FAM135B: variants seen among roughly 807,000 people sequenced by gnomAD.
FAM135B encodes protein FAM135B.
Under a neutral mutation model 127.7 loss-of-function variants are expected in FAM135B, and 43 were observed. That is an observed-to-expected ratio of 0.34 (90% CI 0.26 to 0.43). FAM135B has a LOEUF of 0.43. Ranked by LOEUF, FAM135B falls within the 20% of genes least tolerant of loss-of-function variation. The probability of loss-of-function intolerance (pLI) is 1.00; values close to 1 mark genes in which losing one functional copy is unlikely to be tolerated. For missense variants in FAM135B, 1,558 were observed against 1,725.6 expected (o/e 0.90, Z 1.72); for synonymous variants, 670 against 665.1 (o/e 1.01, Z -0.11).
chr8:138,294,994 C>G (rs1825372369), intron 3 of FAM135B, among the ~76,000 whole-genome samples: 1 of 151,868 alleles, frequency 6.6e-6, no homozygotes, highest in African/African-American at 2.4e-5. Flanking sequence ...CAATAATCTT[C>G]AGAGTCTGTT....
intron 2 of FAM135B, among the ~76,000 whole-genome samples, chr8:138,347,646 A>G (rs1246531077): frequency 6.6e-6 from 1 of 152,160 alleles, no homozygotes; most frequent in Non-Finnish European, 1.5e-5. Context: ...TACAAGTTGC[A>G]GTCGTCAGTC....
Position 138,250,995 on chromosome 8 carries a change from C to T in FAM135B, c.388G>A (p.Ala130Thr), listed in dbSNP as rs2130489362. The T allele has an allele frequency of 3.7e-6, 6 of 1,613,910 alleles. No individual in the cohort carries two copies. The highest frequency in any genetic ancestry group is 5.1e-6 in the Non-Finnish European group (6 of 1,179,984). The change falls in exon 6 of 20, where the codon GCA (alanine) becomes ACA (threonine). Residue 130 changes from alanine (A) to threonine (T), a missense_variant. By Grantham distance (58) the Ala-to-Thr change is moderately conservative (BLOSUM62 0). Around this residue, in one of 5 missense-constraint regions of FAM135B, gnomAD observed 199 missense variants for 245.7 expected, o/e 0.81. Transcript: ENST00000395297. The stretch of plus-strand genomic sequence containing the variant: ...AGCGTTCGGCTGCTGACCATCGGTG[C>T]CCCAGCCACATCCCTCAACCTAGAA... ...SEQQLRDVAG[A>T]PMVSSRTLGL...
chr8:138,496,745 C>G lies in FAM135B; in HGVS notation c.-94G>C, dbSNP rs1324757224. On this transcript the variant is annotated 5_prime_UTR_variant, in exon 1 of 20. Coordinates refer to ENST00000395297, the MANE Select transcript of FAM135B (RefSeq NM_015912.4). ...TGGGTCCCTCTCTCTCCTCTTTCGC[C>G]GTCTCTGGCCGCCAACAGTTGCGGC... The G allele has an allele frequency of 6.5e-6, 1 of 154,090 alleles. No homozygotes were observed. Among genetic ancestry groups the G allele is most frequent in the Non-Finnish European group, 1.4e-5 (1 of 69,484 alleles). The allele number at this position is 154,090 out of a possible 1,614,324, so 9.5% of individuals were successfully genotyped here.
rs367947385 is a variant in FAM135B, at chr8:138,397,526, T to C, written c.-19-29524A>G. ...AATTTCTTCTCAGTTAAATTTCATCTCTAATAGCATACGTACTTGTAGTAT... is the reference window on the plus strand; with the variant it reads ...AATTTCTTCTCAGTTAAATTTCATCCCTAATAGCATACGTACTTGTAGTAT... On this transcript the variant is annotated intron_variant, in intron 1 of 19. Transcript: ENST00000395297. 4.6e-5 allele frequency among the ~76,000 whole-genome samples: 7 copies of C among 152,360 alleles called. No individual in the cohort carries two copies. In the East Asian group the frequency reaches 7.7e-4, roughly 17 times the overall value.
chr8:138,211,369 G>A (rs1405228647), intron 7 of FAM135B, among the ~76,000 whole-genome samples: 1 of 152,182 alleles, frequency 6.6e-6, no homozygotes, highest in Non-Finnish European at 1.5e-5. Context: ...CGACAGAGGG[G>A]TGGATCTCTC....
chr8:138,405,625 T>G lies in FAM135B; in HGVS notation c.-19-37623A>C, dbSNP rs185873253. ...ATGCAGTCTATCATTGTTAGACATT[T>G]GGGTTGGTTCCAAATCTTTGCTATT... On this transcript the variant is annotated intron_variant, in intron 1 of 19. Coordinates refer to ENST00000395297, the MANE Select transcript of FAM135B (RefSeq NM_015912.4). Among the ~76,000 whole-genome samples the G allele has an allele frequency of 2.4e-3, 360 of 152,250 alleles. 1 individual carries two copies. The highest frequency in any genetic ancestry group is 7.8e-3 in the African/African-American group (322 of 41,544).
intron 1 of FAM135B, among the ~76,000 whole-genome samples, chr8:138,463,462 T>C (rs1837235278): frequency 1.3e-5 from 2 of 152,090 alleles, no homozygotes; most frequent in African/African-American, 4.8e-5. Flanking sequence ...GTAAGAAGTT[T>C]CATAGCCATG....
At chr8:138,370,228 T>C (rs561583579) in intron 1 of FAM135B, among the ~76,000 whole-genome samples, 184 of 152,266 alleles carry the variant, frequency 1.2e-3, no homozygotes, top group Non-Finnish European at 1.9e-3. Context: ...ATTTAACGCA[T>C]GGAGAATACC....
At chr8:138,142,890 AG>A (rs1446239146) in intron 16 of FAM135B, 121 bp downstream of exon 16, 7 of 606,508 alleles carry the variant, frequency 1.2e-5, no homozygotes, top group Non-Finnish European at 1.8e-5. Flanking sequence ...ATTTATTAAA[AG>A]TCACAAGTTA....
Position 138,256,779 on chromosome 8 carries a change from C to CA in FAM135B, c.298-21dup. 1 of 1,604,650 alleles carries CA rather than the reference C, an allele frequency of 6.2e-7. No homozygotes were observed. The highest frequency in any genetic ancestry group is 8.5e-7 in the Non-Finnish European group (1 of 1,172,222). On this transcript the variant is annotated intron_variant, in intron 4 of 19. Transcript: ENST00000395297. ...TTCCATCTGCAAAAGAAACAAAGTC[C>CA]AAGGGATTTCAGGAGTCAAATCTTG... is the stretch of plus-strand genomic sequence containing the variant.
intron 2 of FAM135B, among the ~76,000 whole-genome samples, chr8:138,333,959 G>A (rs1476538067): frequency 1.3e-5 from 2 of 152,176 alleles, no homozygotes; most frequent in African/African-American, 4.8e-5. Context: ...GTCTCGCTCT[G>A]TCTCCCAGGC....
At chr8:138,372,898 TG>T (rs1377489747) in intron 1 of FAM135B, among the ~76,000 whole-genome samples, 1 of 538 alleles carries the variant, frequency 1.9e-3, no homozygotes, top group Non-Finnish European at 9.1e-3. Flanking sequence ...TATGAAGCAA[TG>T]AACTCCCCCC....
intron 12 of FAM135B, among the ~76,000 whole-genome samples, chr8:138,155,992 C>T (rs1322817577): frequency 6.6e-6 from 1 of 152,204 alleles, no homozygotes; most frequent in Non-Finnish European, 1.5e-5. Context: ...ACAGAATATA[C>T]ATTCTTCTCA....
chr8:138,343,302 C>G (rs552879043), intron 2 of FAM135B, among the ~76,000 whole-genome samples: 10 of 152,336 alleles, frequency 6.6e-5, no homozygotes, highest in Non-Finnish European at 1.3e-4. Context: ...GGCAGGAAGA[C>G]ACATGCAGAC....
intron 9 of FAM135B, among the ~76,000 whole-genome samples, chr8:138,185,914 C>T (rs969954830): frequency 1.3e-5 from 2 of 152,166 alleles, no homozygotes; most frequent in Non-Finnish European, 1.5e-5. Flanking sequence ...GGGTCTTCAC[C>T]AACTGCTCCA....
At chr8:138,492,690 C>G (rs1815250344) in intron 1 of FAM135B, among the ~76,000 whole-genome samples, 1 of 152,154 alleles carries the variant, frequency 6.6e-6, no homozygotes, top group Non-Finnish European at 1.5e-5. Context: ...GTCTCCAAGT[C>G]TCTGCATGTT....
intron 12 of FAM135B, among the ~76,000 whole-genome samples, chr8:138,163,391 G>A (rs1290561147): frequency 3.9e-5 from 6 of 152,108 alleles, no homozygotes; most frequent in Non-Finnish European, 7.4e-5. Context: ...CTGGCACATG[G>A]CACATGTTTA....
chr8:138,408,841 G>A (rs1589227), intron 1 of FAM135B, among the ~76,000 whole-genome samples: 1 of 151,818 alleles, frequency 6.6e-6, no homozygotes, highest in Non-Finnish European at 1.5e-5. Flanking sequence ...TTGACACGTG[G>A]GGTTACAATC....
chr8:138,206,166 C>T (rs186480052), intron 7 of FAM135B, among the ~76,000 whole-genome samples: 1 of 145,090 alleles, frequency 6.9e-6, no homozygotes, highest in African/African-American at 2.8e-5. Context: ...AGTATCACCT[C>T]CACCTCTGCA....
Sources: gnomAD v4.1 joint callset for allele counts (sites outside exome capture counted in the v4.1 genomes callset) on GRCh38, gnomAD v4.1.1 for gene constraint, gnomAD v4.1.1 regional missense constraint, MANE v1.5 for transcripts, NCBI Gene and HGNC (gene_info 2026-07-23, HGNC 2026-07-21) for gene names.